The following SYN3 variants were observed in gnomAD, a reference collection of about 807,000 sequenced individuals.
SYN3 encodes synapsin-3.
In SYN3, 35 loss-of-function variants were observed where a neutral mutation model predicts 65.8. The ratio of observed to expected loss-of-function variants is 0.53; its 90% CI spans 0.41 to 0.70. The LOEUF is 0.70. SYN3 is among the 30% of genes least tolerant of loss of function. SYN3 has a pLI of 0.00. For synonymous variants in SYN3, 270 were observed against 292.9 expected (o/e 0.92, Z 0.80); for missense variants, 680 against 749.0 (o/e 0.91, Z 1.08).
At chr22:32,821,972 A>G (rs964642596) in intron 6 of SYN3, among the ~76,000 whole-genome samples, 2 of 152,116 alleles carry the variant, frequency 1.3e-5, no homozygotes, top group Admixed American at 6.5e-5. Context: ...CCTGACCAAC[A>G]TGGAGAAACC....
At position 32,943,395 on chromosome 22, in the gene SYN3, C is replaced by T. The variant is rs533028461; in HGVS notation, c.370-11914G>A. On this transcript the variant is annotated intron_variant, in intron 3 of 13. Coordinates refer to ENST00000358763, the MANE Select transcript of SYN3 (RefSeq NM_003490.4). ...AAAATACTTTACAGACAAGCAAATGCTGAGAGATTTTGTCACCATCAGGCC... is the reference window on the plus strand; with the variant it reads ...AAAATACTTTACAGACAAGCAAATGTTGAGAGATTTTGTCACCATCAGGCC... Among the ~76,000 whole-genome samples, 69 of 152,260 alleles carry T rather than the reference C, an allele frequency of 4.5e-4. 1 individual carries two copies. The South Asian group carries it at 0.014, about 31-fold the overall frequency.
At chr22:32,965,360 T>C (rs2051797747) in intron 3 of SYN3, among the ~76,000 whole-genome samples, 1 of 152,160 alleles carries the variant, frequency 6.6e-6, no homozygotes, top group Non-Finnish European at 1.5e-5. Flanking sequence ...CTTTAGCTTC[T>C]TTCATCTTTC....
chr22:32,819,946 C>A (rs2047189174), intron 6 of SYN3, among the ~76,000 whole-genome samples: 2 of 152,166 alleles, frequency 1.3e-5, no homozygotes, highest in Non-Finnish European at 2.9e-5. Flanking sequence ...TGATATCCAT[C>A]CTACCACATG....
chr22:32,997,781 C>T (rs567969651), intron 2 of SYN3, among the ~76,000 whole-genome samples: 25 of 152,170 alleles, frequency 1.6e-4, no homozygotes, highest in African/African-American at 3.6e-4. Context: ...AACCCCAGCA[C>T]GTTGGGAGGC....
At chr22:33,006,892 C>A in intron 1 of SYN3, 68 bp from the exon 2 acceptor site, 1 of 414,862 alleles carries the variant, frequency 2.4e-6, no homozygotes, top group Non-Finnish European at 4.3e-6. Context: ...ACAGATACAG[C>A]GCTTTCCTGC....
At chr22:33,038,337 C>T (rs1246689908) in intron 1 of SYN3, among the ~76,000 whole-genome samples, 1 of 152,206 alleles carries the variant, frequency 6.6e-6, no homozygotes, top group East Asian at 1.9e-4. Context: ...TTTTTCACAG[C>T]CAGGATGGGG....
intron 12 of SYN3, 138 bp downstream of exon 12, chr22:32,527,780 A>G: frequency 1.4e-6 from 1 of 708,098 alleles, no homozygotes; most frequent in Non-Finnish European, 2.3e-6. Flanking sequence ...GACCAACCCC[A>G]TAGTCTCATT....
intron 6 of SYN3, among the ~76,000 whole-genome samples, chr22:32,831,847 A>AC (rs932818932): frequency 1.3e-4 from 20 of 150,964 alleles, no homozygotes; most frequent in South Asian, 4.2e-4. Flanking sequence ...ATGTCACTGC[A>AC]CCCCCCCCAA....
chr22:32,945,993 T>C (rs896960300), intron 3 of SYN3, among the ~76,000 whole-genome samples: 2 of 152,106 alleles, frequency 1.3e-5, no homozygotes, highest in Non-Finnish European at 2.9e-5. Context: ...CACAATGAGA[T>C]ACCATCTCAT....
intron 1 of SYN3, among the ~76,000 whole-genome samples, chr22:33,036,488 A>G (rs2053861611): frequency 6.6e-6 from 1 of 152,140 alleles, no homozygotes; most frequent in African/African-American, 2.4e-5. Context: ...GACAGAAATT[A>G]ATCACTGATA....
chr22:32,624,414 C>T (rs9609604), intron 6 of SYN3, among the ~76,000 whole-genome samples: 35 of 152,176 alleles, frequency 2.3e-4, no homozygotes, highest in Admixed American at 2.2e-3. Context: ...CACACCTGCC[C>T]GGTCATACCC....
At chr22:32,841,102 G>A (rs547491895) in intron 6 of SYN3, among the ~76,000 whole-genome samples, 1 of 152,186 alleles carries the variant, frequency 6.6e-6, no homozygotes, top group Non-Finnish European at 1.5e-5. Flanking sequence ...TCTGTGTGTG[G>A]CACTTTATAC....
At chr22:32,704,512 G>A (rs2147215671) in intron 6 of SYN3, among the ~76,000 whole-genome samples, 1 of 152,286 alleles carries the variant, frequency 6.6e-6, no homozygotes, top group South Asian at 2.1e-4. Context: ...ATTATGAATA[G>A]TGCTGCAATG....
chr22:32,956,746 T>C (rs959335250), intron 3 of SYN3, among the ~76,000 whole-genome samples: 8 of 152,196 alleles, frequency 5.3e-5, no homozygotes, highest in Admixed American at 4.6e-4. Context: ...AACATGGGTG[T>C]ACAAATATCT....
chr22:32,535,492 C>T (rs992853747), intron 9 of SYN3, among the ~76,000 whole-genome samples: 6 of 152,100 alleles, frequency 3.9e-5, no homozygotes, highest in Non-Finnish European at 7.4e-5. Context: ...CCTTGGAGCT[C>T]GAAGAATCCT....
intron 4 of SYN3, among the ~76,000 whole-genome samples, chr22:32,918,610 T>G (rs241888): frequency 0.22 from 32,773 of 152,124 alleles, 3,728 homozygotes; most frequent in South Asian, 0.33. Context: ...AAAAAATGCA[T>G]AGTTGGGCCT....
Position 32,763,833 on chromosome 22 carries a change from G to A in SYN3, c.711+101082C>T, listed in dbSNP as rs61242359. 7.6e-3 allele frequency among the ~76,000 whole-genome samples: 1,155 copies of A among 152,284 alleles called. 41 individuals are homozygous for A. In the East Asian group the frequency reaches 0.12, roughly 16 times the overall value. On this transcript the variant is annotated intron_variant, in intron 6 of 13. Coordinates refer to ENST00000358763, the MANE Select transcript of SYN3 (RefSeq NM_003490.4). ...TGAAGCTGAAAGGAAAGGGGAAGGA[G>A]ATCAGGGTATGGAAAAGCAGGCTGA...
chr22:32,911,300 C>A (rs948950114), intron 4 of SYN3, among the ~76,000 whole-genome samples: 1 of 152,162 alleles, frequency 6.6e-6, no homozygotes, highest in Non-Finnish European at 1.5e-5. Context: ...GACATCTGTG[C>A]AAATTAGAAA....
intron 6 of SYN3, among the ~76,000 whole-genome samples, chr22:32,791,833 G>C (rs1406642454): frequency 6.6e-6 from 1 of 151,910 alleles, no homozygotes; most frequent in Non-Finnish European, 1.5e-5. Context: ...AAGAATACCT[G>C]GTACCCAGTA....
Sources: gnomAD v4.1 joint callset for allele counts (sites outside exome capture counted in the v4.1 genomes callset) on GRCh38, gnomAD v4.1.1 for gene constraint, MANE v1.5 for transcripts, NCBI Gene and HGNC (gene_info 2026-07-23, HGNC 2026-07-21) for gene names.